The following CTTNBP2NL variants were observed in gnomAD, a reference collection of about 807,000 sequenced individuals.
The protein encoded by CTTNBP2NL is CTTNBP2 N-terminal-like protein.
A neutral mutation model predicts 32.5 loss-of-function variants in CTTNBP2NL; 16 were observed. The ratio of observed to expected loss-of-function variants is 0.49; its 90% confidence interval spans 0.33 to 0.75. CTTNBP2NL has a LOEUF of 0.75. CTTNBP2NL is among the 30% of genes least tolerant of loss of function. CTTNBP2NL has a pLI of 0.02. For synonymous variants in CTTNBP2NL, 298 were observed against 289.4 expected, an observed-to-expected ratio of 1.03 and a Z score of -0.30; for missense variants, 645 against 756.0, an observed-to-expected ratio of 0.85 and a Z score of 1.72.
rs1436864407 is a variant in CTTNBP2NL, at chr1:112,412,296, G to A, written c.-31G>A. ...TGTAAGTTTATACTTGAGGACTGAA[G>A]TGTGACTCTGCCGATTATCAGGTCA... On this transcript the variant is annotated 5_prime_UTR_variant, in exon 2 of 6. In the 5' UTR this introduces an upstream ATG that the reference lacks. Coordinates refer to ENST00000271277, the MANE Select transcript of CTTNBP2NL (RefSeq NM_018704.3). 2 of 152,114 alleles carry A rather than the reference G, an allele frequency of 1.3e-5. No homozygotes were observed. Among genetic ancestry groups the A allele is most frequent in the African/African-American group, 4.8e-5 (2 of 41,410 alleles). 9.4% of individuals were successfully genotyped at this position (152,114 alleles called of 1,614,324 possible).
At chr1:112,420,709 C>T (rs1649202657) in intron 3 of CTTNBP2NL, among the ~76,000 whole-genome samples, 1 of 151,292 alleles carries the variant, frequency 6.6e-6, no homozygotes, top group African/African-American at 2.4e-5. Context: ...TCAAGCAGTT[C>T]TGCTGTCCCA....
chr1:112,442,060 C>T (rs775400643), intron 3 of CTTNBP2NL, among the ~76,000 whole-genome samples: 3 of 152,214 alleles, frequency 2.0e-5, no homozygotes, highest in Non-Finnish European at 4.4e-5. Flanking sequence ...TATGAGAGAT[C>T]TCTGTACCTG....
At chr1:112,398,682 A>G (rs544676428) in intron 1 of CTTNBP2NL, among the ~76,000 whole-genome samples, 1 of 152,162 alleles carries the variant, frequency 6.6e-6, no homozygotes, top group East Asian at 1.9e-4. Context: ...GTGGTGGCTC[A>G]TCCCTGTAAT....
chr1:112,452,313 T>C (rs1570746137), intron 4 of CTTNBP2NL, among the ~76,000 whole-genome samples: 1 of 144,852 alleles, frequency 6.9e-6, no homozygotes, highest in Middle Eastern at 3.8e-3. Context: ...ACTACAAGCA[T>C]ACACCACAGC....
chr1:112,414,379 G>A (rs190627225), intron 2 of CTTNBP2NL, among the ~76,000 whole-genome samples: 38 of 152,130 alleles, frequency 2.5e-4, no homozygotes, highest in Admixed American at 4.6e-4. Context: ...AAGAAAATTA[G>A]CAGTTAGAGC....
chr1:112,453,552 G>A (rs1388732421), intron 4 of CTTNBP2NL, among the ~76,000 whole-genome samples: 2 of 152,082 alleles, frequency 1.3e-5, no homozygotes, highest in African/African-American at 4.8e-5. Context: ...AGGAGTTCCA[G>A]ACCAGCCTGG....
chr1:112,448,994 G>A lies in CTTNBP2NL; in HGVS notation c.152G>A (p.Ser51Asn). The A allele has an allele frequency of 6.2e-7, 1 of 1,613,612 alleles. No individual in the cohort carries two copies. The highest frequency in any genetic ancestry group is 1.7e-4 in the Middle Eastern group (1 of 6,056). ...IEERYGKYNI[S>N]DPLMALQRDF... The stretch of plus-strand genomic sequence containing the variant: ...GAACGCTATGGAAAATATAACATCA[G>A]TGATCCTTTAATGGCTCTACAGAGA... The change falls in exon 4 of 6, where the codon AGT (serine) becomes AAT (asparagine). Residue 51 changes from serine to asparagine, a missense_variant. Ser to Asn is a conservative substitution (Grantham distance 46). Coordinates refer to ENST00000271277, the MANE Select transcript of CTTNBP2NL (RefSeq NM_018704.3).
chr1:112,392,995 T>A (rs954722391), upstream of CTTNBP2NL, among the ~76,000 whole-genome samples: 1 of 152,096 alleles, frequency 6.6e-6, no homozygotes. Context: ...GTAGCTGGGA[T>A]TACAGGCACC....
At chr1:112,429,200 A>C (rs1372499091) in intron 3 of CTTNBP2NL, among the ~76,000 whole-genome samples, 1 of 152,234 alleles carries the variant, frequency 6.6e-6, no homozygotes, top group Non-Finnish European at 1.5e-5. Flanking sequence ...TTTTCAGATT[A>C]ACTGTGCTCA....
At chr1:112,436,269 T>C (rs886413888) in intron 3 of CTTNBP2NL, among the ~76,000 whole-genome samples, 21 of 152,178 alleles carry the variant, frequency 1.4e-4, no homozygotes, top group African/African-American at 4.8e-4. Context: ...ACTGACATCT[T>C]CACCCCAGAC....
upstream of CTTNBP2NL, among the ~76,000 whole-genome samples, chr1:112,393,738 A>G (rs1648239964): frequency 6.6e-6 from 1 of 152,208 alleles, no homozygotes; most frequent in Admixed American, 6.5e-5. Context: ...GGATGTTCTC[A>G]TTTTTGCTGA....
intron 3 of CTTNBP2NL, 51 bp downstream of exon 3, chr1:112,416,315 T>A: frequency 2.1e-6 from 2 of 930,894 alleles, no homozygotes; most frequent in South Asian, 2.9e-5. Context: ...TGAAAGTCAT[T>A]CATTAGTTTT....
chr1:112,445,152 G>C (rs1650001033), intron 3 of CTTNBP2NL, among the ~76,000 whole-genome samples: 1 of 152,174 alleles, frequency 6.6e-6, no homozygotes, highest in Non-Finnish European at 1.5e-5. Flanking sequence ...CCCAGTCATG[G>C]CTTCAGATGA....
chr1:112,409,193 G>A (rs534522734), intron 1 of CTTNBP2NL, among the ~76,000 whole-genome samples: 41 of 149,928 alleles, frequency 2.7e-4, no homozygotes, highest in African/African-American at 9.1e-4. Context: ...AACTTTGCTC[G>A]CTAATCACTA....
At chr1:112,422,389 T>C (rs1205371119) in intron 3 of CTTNBP2NL, among the ~76,000 whole-genome samples, 2 of 152,222 alleles carry the variant, frequency 1.3e-5, no homozygotes, top group Non-Finnish European at 2.9e-5. Flanking sequence ...TATCCACTTA[T>C]CTGTTGATAA....
At position 112,459,379 on chromosome 1, in the gene CTTNBP2NL, T is replaced by G. The variant is rs1354388261; in HGVS notation, c.*1967T>G. Reference sequence around the variant, plus strand: ...TGTCCATACAGGAGAGGCCTTGGTGTCTTCACATACATTCTCTGAGCCAAC... The same window carrying G: ...TGTCCATACAGGAGAGGCCTTGGTGGCTTCACATACATTCTCTGAGCCAAC... On this transcript the variant is annotated 3_prime_UTR_variant, in exon 6 of 6. Coordinates refer to ENST00000271277, the MANE Select transcript of CTTNBP2NL (RefSeq NM_018704.3). 1.3e-5 allele frequency: 2 copies of G among 152,222 alleles called. No homozygotes were observed. Among genetic ancestry groups the G allele is most frequent in the Admixed American group, 1.3e-4 (2 of 15,278 alleles). 9.4% of individuals were successfully genotyped at this position (152,222 alleles called of 1,614,324 possible).
At chr1:112,448,060 C>T (rs1338322606) in intron 3 of CTTNBP2NL, among the ~76,000 whole-genome samples, 1 of 152,236 alleles carries the variant, frequency 6.6e-6, no homozygotes, top group Non-Finnish European at 1.5e-5. Context: ...TTTCCACCCA[C>T]TTCCTGATCC....
At chr1:112,438,616 A>G (rs1557894092) in intron 3 of CTTNBP2NL, among the ~76,000 whole-genome samples, 1 of 152,022 alleles carries the variant, frequency 6.6e-6, no homozygotes, top group Non-Finnish European at 1.5e-5. Context: ...GTGGTGAGAG[A>G]GGGCATCCTT....
chr1:112,425,805 A>G (rs893075084), intron 3 of CTTNBP2NL, among the ~76,000 whole-genome samples: 1 of 152,114 alleles, frequency 6.6e-6, no homozygotes, highest in Non-Finnish European at 1.5e-5. Flanking sequence ...TGAGGCTGCA[A>G]TGAGCTATAA....
Sources: allele counts gnomAD v4.1 joint callset (sites outside exome capture counted in the v4.1 genomes callset), GRCh38; gene constraint gnomAD v4.1.1; transcripts MANE v1.5; gene names NCBI Gene and HGNC (gene_info 2026-07-23, HGNC 2026-07-21).